CTNND2: variants seen among roughly 807,000 people sequenced by gnomAD.
The protein encoded by CTNND2 is catenin delta-2.
Under a neutral mutation model 144.4 loss-of-function variants are expected in CTNND2, and 22 were observed. That is an observed-to-expected ratio of 0.15 (90% CI 0.11 to 0.22). The LOEUF is 0.22. Among genes scored for constraint, CTNND2 ranks in the 10% least tolerant of loss-of-function variants. The pLI, the probability that CTNND2 is intolerant of heterozygous loss-of-function variation, is 1.00. For missense variants in CTNND2, 1,353 were observed against 1,618.8 expected, an observed-to-expected ratio of 0.84 and a Z score of 2.82; for synonymous variants, 751 against 695.6, an observed-to-expected ratio of 1.08 and a Z score of -1.25.
intron 2 of CTNND2, among the ~76,000 whole-genome samples, chr5:11,717,499 C>A (rs1263388327): frequency 6.6e-6 from 1 of 151,390 alleles, no homozygotes; most frequent in Non-Finnish European, 1.5e-5. Context: ...ATTGCTAGAA[C>A]CCTGGGGGCA....
intron 2 of CTNND2, among the ~76,000 whole-genome samples, chr5:11,718,227 C>A (rs1299146676): frequency 2.0e-5 from 3 of 152,152 alleles, no homozygotes; most frequent in African/African-American, 4.8e-5. Context: ...CAAAGGGGCA[C>A]AAGGACACTT....
At chr5:11,844,279 C>T (rs941850315) in intron 1 of CTNND2, among the ~76,000 whole-genome samples, 1 of 152,110 alleles carries the variant, frequency 6.6e-6, no homozygotes, top group Non-Finnish European at 1.5e-5. Context: ...TGTGTAATAG[C>T]TCCCTGAAGA....
At chr5:11,590,121 C>T (rs1779136728) in intron 2 of CTNND2, among the ~76,000 whole-genome samples, 2 of 151,224 alleles carry the variant, frequency 1.3e-5, no homozygotes, top group South Asian at 4.2e-4. Flanking sequence ...TCTAAGTGCA[C>T]TGCAAGCTCC....
chr5:11,684,405 A>G (rs972451870), intron 2 of CTNND2, among the ~76,000 whole-genome samples: 3 of 152,148 alleles, frequency 2.0e-5, no homozygotes, highest in African/African-American at 7.2e-5. Flanking sequence ...GCCGGCCTAC[A>G]TGTTATTTTT....
chr5:11,264,751 G>A (rs959109213), intron 9 of CTNND2, among the ~76,000 whole-genome samples: 6 of 152,142 alleles, frequency 3.9e-5, no homozygotes, highest in Admixed American at 3.9e-4. Context: ...GCAACATGGG[G>A]AAACCCTGTC....
intron 9 of CTNND2, among the ~76,000 whole-genome samples, chr5:11,300,205 C>A (rs1237938919): frequency 6.6e-6 from 1 of 152,014 alleles, no homozygotes; most frequent in African/African-American, 2.4e-5. Context: ...GGAAAAGAGA[C>A]CAGGTTTGGT....
intron 2 of CTNND2, among the ~76,000 whole-genome samples, chr5:11,662,232 T>C (rs948427852): frequency 1.4e-5 from 2 of 139,056 alleles, no homozygotes; most frequent in East Asian, 2.0e-4. Flanking sequence ...TGTGTATATA[T>C]GTATATATAT....
At chr5:11,140,572 A>G (rs1006386408) in intron 12 of CTNND2, among the ~76,000 whole-genome samples, 1 of 152,208 alleles carries the variant, frequency 6.6e-6, no homozygotes, top group Non-Finnish European at 1.5e-5. Context: ...AGACATCTGT[A>G]TCTATATTTA....
intron 18 of CTNND2, among the ~76,000 whole-genome samples, chr5:11,000,608 TG>T (rs1739852824): frequency 6.6e-6 from 1 of 152,228 alleles, no homozygotes; most frequent in Non-Finnish European, 1.5e-5. Flanking sequence ...TAGAACTGTC[TG>T]GCAAGGCTCA....
chr5:11,128,871 A>AT (rs1384659485), intron 12 of CTNND2, among the ~76,000 whole-genome samples: 2 of 68,620 alleles, frequency 2.9e-5, no homozygotes, highest in South Asian at 3.4e-4. Context: ...TATAATATAT[A>AT]AATATATAAT....
chr5:11,760,663 G>C (rs1178184830), intron 1 of CTNND2, among the ~76,000 whole-genome samples: 1 of 152,158 alleles, frequency 6.6e-6, no homozygotes, highest in Non-Finnish European at 1.5e-5. Context: ...GAAGAGTAGG[G>C]AGTGGAGCAG....
intron 3 of CTNND2, among the ~76,000 whole-genome samples, chr5:11,450,956 T>C (rs1455242999): frequency 6.6e-6 from 1 of 151,422 alleles, no homozygotes; most frequent in South Asian, 2.1e-4. Flanking sequence ...ATGGGTAGTT[T>C]CCTTCACAGT....
intron 9 of CTNND2, among the ~76,000 whole-genome samples, chr5:11,237,206 A>G (rs1741748546): frequency 6.6e-6 from 1 of 151,792 alleles, no homozygotes; most frequent in Admixed American, 6.6e-5. Flanking sequence ...TTTTTAGTAG[A>G]GATGCAGTTT....
At chr5:11,688,726 CT>C (rs2126643261) in intron 2 of CTNND2, among the ~76,000 whole-genome samples, 1 of 152,248 alleles carries the variant, frequency 6.6e-6, no homozygotes, top group African/African-American at 2.4e-5. Flanking sequence ...GAGAAGGGCC[CT>C]GATGCTTGTA....
chr5:11,678,785 A>C (rs1262007333), intron 2 of CTNND2, among the ~76,000 whole-genome samples: 1 of 152,144 alleles, frequency 6.6e-6, no homozygotes, highest in African/African-American at 2.4e-5. Flanking sequence ...AGTTTAAGGA[A>C]AAAAGTAAAA....
At chr5:11,652,698 C>T (rs547339878) in intron 2 of CTNND2, among the ~76,000 whole-genome samples, 4 of 152,270 alleles carry the variant, frequency 2.6e-5, no homozygotes, top group South Asian at 4.1e-4. Context: ...AGCTAATTAA[C>T]ATATCCATTA....
At chr5:11,686,780 A>G (rs1784672463) in intron 2 of CTNND2, among the ~76,000 whole-genome samples, 1 of 148,552 alleles carries the variant, frequency 6.7e-6, no homozygotes, top group Admixed American at 6.8e-5. Context: ...TATATACAAT[A>G]CACAAATATA....
intron 10 of CTNND2, among the ~76,000 whole-genome samples, chr5:11,210,778 A>T (rs1654582401): frequency 6.6e-6 from 1 of 152,206 alleles, no homozygotes; most frequent in Non-Finnish European, 1.5e-5. Context: ...CAAAGCTTTC[A>T]TTTTATAAGG....
chr5:11,047,959 G>A (rs142672100), intron 16 of CTNND2, among the ~76,000 whole-genome samples: 10 of 152,212 alleles, frequency 6.6e-5, no homozygotes, highest in East Asian at 3.9e-4. Context: ...CAACTTCTCC[G>A]GGCTCAATTC....
Sources: gnomAD v4.1 joint callset for allele counts (sites outside exome capture counted in the v4.1 genomes callset) on GRCh38, gnomAD v4.1.1 for gene constraint, MANE v1.5 for transcripts, NCBI Gene and HGNC (gene_info 2026-07-23, HGNC 2026-07-21) for gene names.